The following PRKG2 variants were observed in gnomAD, a reference collection of about 807,000 sequenced individuals.
PRKG2 encodes protein kinase cGMP-dependent 2.
A neutral mutation model predicts 97.2 loss-of-function variants in PRKG2; 33 were observed. The observed-to-expected ratio is 0.34, with a 90% CI of 0.26 to 0.45. The LOEUF (loss-of-function observed/expected upper bound fraction) is 0.45, where lower values mean the gene tolerates loss of function less well. PRKG2 is among the 20% of genes least tolerant of loss of function. The probability of loss-of-function intolerance (pLI) is 1.00; values close to 1 mark genes in which losing one functional copy is unlikely to be tolerated. For synonymous variants in PRKG2, 330 were observed against 321.8 expected (o/e 1.03, Z -0.27); for missense variants, 638 against 900.0 (o/e 0.71, Z 3.73).
intron 6 of PRKG2, among the ~76,000 whole-genome samples, chr4:81,158,285 AACAG>A (rs1180465051): frequency 6.7e-6 from 1 of 149,112 alleles, no homozygotes; most frequent in Non-Finnish European, 1.5e-5. Flanking sequence ...ATACACCAAC[AACAG>A]ACAAACAGAG....
chr4:81,142,112 C>T (rs2110040296), intron 11 of PRKG2, among the ~76,000 whole-genome samples: 1 of 152,274 alleles, frequency 6.6e-6, no homozygotes, highest in East Asian at 1.9e-4. Flanking sequence ...CCACATTTTC[C>T]TTAGAATACT....
chr4:81,140,025 T>C (rs951288994), intron 12 of PRKG2, among the ~76,000 whole-genome samples: 7 of 152,152 alleles, frequency 4.6e-5, no homozygotes, highest in Non-Finnish European at 7.4e-5. Flanking sequence ...GAGGTCGTTA[T>C]GTTATGTGAA....
chr4:81,119,932 C>A (rs1303878802), intron 14 of PRKG2, among the ~76,000 whole-genome samples: 1 of 152,072 alleles, frequency 6.6e-6, no homozygotes, highest in African/African-American at 2.4e-5. Context: ...CCTCAGCCTC[C>A]CAAACAAATT....
chr4:81,180,219 C>T (rs562499192), intron 2 of PRKG2, among the ~76,000 whole-genome samples: 1 of 152,020 alleles, frequency 6.6e-6, no homozygotes, highest in Non-Finnish European at 1.5e-5. Context: ...CTTCATTAAT[C>T]CTCAAAACAT....
At chr4:81,108,463 T>C (rs1743574732) in intron 15 of PRKG2, among the ~76,000 whole-genome samples, 1 of 150,870 alleles carries the variant, frequency 6.6e-6, no homozygotes, top group Non-Finnish European at 1.5e-5. Context: ...CTTATTTATA[T>C]ATTAACACTA....
intron 18 of PRKG2, among the ~76,000 whole-genome samples, chr4:81,091,499 G>A (rs963691287): frequency 2.0e-5 from 3 of 151,914 alleles, no homozygotes; most frequent in Non-Finnish European, 4.4e-5. Flanking sequence ...TAGCCAGGAT[G>A]GTCTCGATCT....
intron 6 of PRKG2, among the ~76,000 whole-genome samples, chr4:81,164,528 G>C (rs560658783): frequency 6.6e-6 from 1 of 152,116 alleles, no homozygotes; most frequent in East Asian, 1.9e-4. Context: ...TGATTAAAAT[G>C]GAAAATTCCC....
chr4:81,169,152 T>C (rs968031818), intron 5 of PRKG2, among the ~76,000 whole-genome samples: 1 of 152,078 alleles, frequency 6.6e-6, no homozygotes, highest in Non-Finnish European at 1.5e-5. Flanking sequence ...CCTGTCATCA[T>C]GACAAGTATA....
intron 1 of PRKG2, among the ~76,000 whole-genome samples, chr4:81,211,243 A>G (rs533005214): frequency 5.3e-5 from 8 of 152,332 alleles, no homozygotes; most frequent in Middle Eastern, 3.4e-3. Flanking sequence ...CATGTACCAT[A>G]CTGATGAAAG....
intron 2 of PRKG2, 130 bp from the exon 3 acceptor site, chr4:81,175,089 T>G (rs1427261819): frequency 1.4e-5 from 12 of 836,900 alleles, no homozygotes; most frequent in African/African-American, 8.8e-5. Flanking sequence ...ACAACCTTTT[T>G]CTAACCCCAC....
chr4:81,140,672 A>T lies in PRKG2; in HGVS notation c.1408-3T>A. 1 of 1,600,860 alleles carries T rather than the reference A, an allele frequency of 6.2e-7. No homozygotes were observed. The highest frequency in any genetic ancestry group is 8.6e-7 in the Non-Finnish European group (1 of 1,168,952). On this transcript the variant is annotated splice_polypyrimidine_tract_variant and splice_region_variant and intron_variant, in intron 11 of 18. Coordinates refer to ENST00000264399, the MANE Select transcript of PRKG2 (RefSeq NM_006259.3). Reference sequence around the variant, plus strand: ...ACATTCTCATTTTTTACTTTAACCTATGTAAGAAATGGAAAGATACCTCAA... The same window carrying T: ...ACATTCTCATTTTTTACTTTAACCTTTGTAAGAAATGGAAAGATACCTCAA...
intron 2 of PRKG2, among the ~76,000 whole-genome samples, chr4:81,180,960 A>G (rs1463854457): frequency 1.5e-5 from 2 of 130,192 alleles, no homozygotes; most frequent in African/African-American, 8.0e-5. Flanking sequence ...AGCATTAGGT[A>G]TATCTCCTAG....
At chr4:81,095,853 T>C (rs561130205) in intron 17 of PRKG2, among the ~76,000 whole-genome samples, 1 of 152,312 alleles carries the variant, frequency 6.6e-6, no homozygotes, top group East Asian at 1.9e-4. Flanking sequence ...TCCAAACCAC[T>C]GTAATAAGGC....
At chr4:81,155,157 G>A (rs1215462285) in intron 6 of PRKG2, among the ~76,000 whole-genome samples, 5 of 117,858 alleles carry the variant, frequency 4.2e-5, no homozygotes, top group South Asian at 2.8e-4. Context: ...CAGCCTGGGC[G>A]ACAGAGCGAG....
chr4:81,147,375 A>G lies in PRKG2; in HGVS notation c.1154+1509T>C, dbSNP rs535699793. 7.9e-5 allele frequency among the ~76,000 whole-genome samples: 12 copies of G among 152,294 alleles called. No homozygotes were observed. In the South Asian group the frequency reaches 2.3e-3, roughly 29 times the overall value. On this transcript the variant is annotated intron_variant, in intron 9 of 18. Transcript: ENST00000264399. ...ATATAGAAAACAATGCATTATTGAT[A>G]CAATACTGTACCAATATATTTTCCA...
chr4:81,140,708 T>C (rs780863176), intron 11 of PRKG2, 39 bp from the exon 12 acceptor site: 4 of 1,549,650 alleles, frequency 2.6e-6, no homozygotes, highest in East Asian at 4.5e-5. Context: ...AATTAACTTA[T>C]ATCTATATAA....
chr4:81,106,364 G>C (rs77149382), intron 15 of PRKG2, among the ~76,000 whole-genome samples: 2,976 of 152,274 alleles, frequency 0.02, 114 homozygotes, highest in African/African-American at 0.068. Flanking sequence ...CATGAGTCAG[G>C]AGTGGGCCTG....
upstream of PRKG2, among the ~76,000 whole-genome samples, chr4:81,215,731 T>C (rs1302056712): frequency 6.6e-6 from 1 of 150,478 alleles, no homozygotes; most frequent in African/African-American, 2.4e-5. Context: ...GGGCCATAAC[T>C]TACATCTAGT....
At chr4:81,153,752 G>C in intron 6 of PRKG2, 31 bp from the exon 7 acceptor site, 2 of 1,519,678 alleles carry the variant, frequency 1.3e-6, no homozygotes, top group African/African-American at 1.4e-5. Context: ...GAAAATGTAA[G>C]AGCGGGTGGA....
Sources: gnomAD v4.1 joint callset for allele counts (sites outside exome capture counted in the v4.1 genomes callset) on GRCh38, gnomAD v4.1.1 for gene constraint, MANE v1.5 for transcripts, NCBI Gene and HGNC (gene_info 2026-07-23, HGNC 2026-07-21) for gene names.